Variants in EYA4 observed in about 807,000 individuals in gnomAD.
EYA4 encodes protein phosphatase EYA4.
EYA4 carries 31 observed loss-of-function variants against 87.9 expected under a neutral mutation model. The observed-to-expected ratio is 0.35, with a 90% confidence interval of 0.27 to 0.48. The LOEUF (loss-of-function observed/expected upper bound fraction) is 0.48. EYA4 is among the 20% of genes least tolerant of loss of function. The probability of loss-of-function intolerance (pLI) is 0.99; values close to 1 mark genes in which losing one functional copy is unlikely to be tolerated. For synonymous variants in EYA4, 263 were observed against 270.6 expected, an observed-to-expected ratio of 0.97 and a Z score of 0.28; for missense variants, 678 against 761.4, an observed-to-expected ratio of 0.89 and a Z score of 1.29.
chr6:133,425,764 T>C (rs2128571962), intron 3 of EYA4, among the ~76,000 whole-genome samples: 1 of 150,716 alleles, frequency 6.6e-6, no homozygotes, highest in East Asian at 2.0e-4. Context: ...GGCTTTCCCC[T>C]CTCTAATTCA....
At chr6:133,431,613 T>G (rs1791189482) in intron 3 of EYA4, among the ~76,000 whole-genome samples, 1 of 152,224 alleles carries the variant, frequency 6.6e-6, no homozygotes, top group African/African-American at 2.4e-5. Context: ...CAGTGCAATA[T>G]GAAGTGCACC....
rs1554213959 is a variant in EYA4 at position 133,273,098 on chromosome 6, T to TATATATATATATATATATATATAA, written c.-65-1599_-65-1598insTATAAATATATATATATATATATA. On this transcript the variant is annotated intron_variant, in intron 1 of 19. Coordinates refer to ENST00000355286, the MANE Select transcript of EYA4 (RefSeq NM_004100.5). Reference sequence around the variant, plus strand: ...AGAACTAATAGGAGATATATATATGTATATATATATATATATATAAAGGGA... The same window carrying TATATATATATATATATATATATAA: ...AGAACTAATAGGAGATATATATATGTATATATATATATATATATATATAAATATATATATATATATATAAAGGGA... Among the ~76,000 whole-genome samples, 98 of 83,090 alleles carry TATATATATATATATATATATATAA rather than the reference T, an allele frequency of 1.2e-3. 1 individual carries two copies. The highest frequency in any genetic ancestry group is 7.3e-3 in the East Asian group (28 of 3,846). The allele number at this position is 83,090 out of a possible 152,430, so 54.5% of individuals were successfully genotyped here.
At chr6:133,497,471 C>T (rs1184810230) in intron 13 of EYA4, among the ~76,000 whole-genome samples, 1 of 152,056 alleles carries the variant, frequency 6.6e-6, no homozygotes, top group Non-Finnish European at 1.5e-5. Context: ...TATTCCTGGA[C>T]ATTTCTGACG....
chr6:133,338,696 ACAT>A (rs1230852944), intron 2 of EYA4, among the ~76,000 whole-genome samples: 1 of 152,184 alleles, frequency 6.6e-6, no homozygotes, highest in East Asian at 1.9e-4. Context: ...TTCTAAGGAA[ACAT>A]CATGGCAGCC....
chr6:133,382,199 G>A (rs1413542743), intron 2 of EYA4, among the ~76,000 whole-genome samples, 193 bp from the exon 3 acceptor site: 1 of 152,096 alleles, frequency 6.6e-6, no homozygotes, highest in Non-Finnish European at 1.5e-5. Flanking sequence ...GGAGTCCAGG[G>A]AAGTGTATTT....
chr6:133,446,505 T>C (rs182342865), intron 3 of EYA4, 125 bp from the exon 4 acceptor site: 1 of 1,053,298 alleles, frequency 9.5e-7, no homozygotes, highest in African/African-American at 1.6e-5. Flanking sequence ...TCTGGTTGAC[T>C]AAGTCTTAGA....
intron 2 of EYA4, among the ~76,000 whole-genome samples, chr6:133,292,457 A>G (rs1481197180): frequency 6.6e-6 from 1 of 152,196 alleles, no homozygotes; most frequent in Non-Finnish European, 1.5e-5. Flanking sequence ...AAATAGCTTG[A>G]GCATTAAGGG....
chr6:133,394,354 A>G (rs1787607732), intron 3 of EYA4, among the ~76,000 whole-genome samples: 1 of 133,860 alleles, frequency 7.5e-6, no homozygotes, highest in Non-Finnish European at 1.5e-5. Flanking sequence ...TTAAAATTCT[A>G]GAAAAAGTTA....
chr6:133,248,022 A>G (rs1253955294), intron 1 of EYA4: 1 of 152,196 alleles, frequency 6.6e-6, no homozygotes, highest in East Asian at 1.9e-4. Flanking sequence ...CTATAACTTG[A>G]GTATCCGTAT....
intron 2 of EYA4, among the ~76,000 whole-genome samples, chr6:133,310,895 T>C (rs1780163082): frequency 6.6e-6 from 1 of 152,228 alleles, no homozygotes; most frequent in African/African-American, 2.4e-5. Context: ...TCCTTTGTAT[T>C]AGATTTCTAG....
chr6:133,521,859 G>T (rs74741951), intron 17 of EYA4, among the ~76,000 whole-genome samples: 3 of 136,476 alleles, frequency 2.2e-5, no homozygotes, highest in Admixed American at 7.5e-5. Context: ...GTAAACTATC[G>T]CAAGAACAAA....
rs748106021 is a variant in EYA4 at position 133,523,036 on chromosome 6, A to G, written c.1617-20A>G. ...ATTTAGTATTAGAAAACAAACATGTATATTTCCTCCCTATTTTAGGAGTAA... is the reference window on the plus strand; with the variant it reads ...ATTTAGTATTAGAAAACAAACATGTGTATTTCCTCCCTATTTTAGGAGTAA... On this transcript the variant is annotated intron_variant, in intron 17 of 19. Transcript: ENST00000355286. 8.1e-6 allele frequency: 13 copies of G among 1,597,810 alleles called. No homozygotes were observed. The highest frequency in any genetic ancestry group is 2.2e-5 in the East Asian group (1 of 44,762).
chr6:133,526,349 C>G (rs897958880), intron 19 of EYA4, among the ~76,000 whole-genome samples: 9 of 151,988 alleles, frequency 5.9e-5, no homozygotes, highest in African/African-American at 1.2e-4. Flanking sequence ...TCTAATAAAG[C>G]CTTTGCCATT....
intron 3 of EYA4, among the ~76,000 whole-genome samples, chr6:133,425,414 A>C (rs1790582280): frequency 6.7e-6 from 1 of 149,854 alleles, no homozygotes; most frequent in African/African-American, 2.5e-5. Context: ...AATAATATCC[A>C]TCTTCTACCC....
chr6:133,348,188 T>G (rs1201947700), intron 2 of EYA4, among the ~76,000 whole-genome samples: 1 of 151,982 alleles, frequency 6.6e-6, no homozygotes, highest in Non-Finnish European at 1.5e-5. Flanking sequence ...ACATAAATTT[T>G]GAAGCCTTCA....
chr6:133,530,440 A>G lies in EYA4; in HGVS notation c.*1635A>G, dbSNP rs1031486855. 6.2e-5 allele frequency: 61 copies of G among 985,478 alleles called. No homozygotes were observed. In the African/African-American group the frequency reaches 9.8e-4, roughly 16 times the overall value. 61.0% of individuals were successfully genotyped at this position (985,478 alleles called of 1,614,324 possible). The stretch of plus-strand genomic sequence containing the variant: ...GTGGAAATTTAAGACTTTAAGAACT[A>G]GAGTATTTTTATGGTGTCTGCACCT... On this transcript the variant is annotated 3_prime_UTR_variant, in exon 20 of 20. Transcript: ENST00000355286.
intron 2 of EYA4, among the ~76,000 whole-genome samples, chr6:133,365,931 C>T (rs1049802459): frequency 6.6e-6 from 1 of 152,048 alleles, no homozygotes; most frequent in Non-Finnish European, 1.5e-5. Flanking sequence ...GCCACAAATT[C>T]CAGAGCATCG....
Position 133,289,800 on chromosome 6 carries a change from C to T in EYA4, c.33+14987C>T, listed in dbSNP as rs140905814. 2.4e-4 allele frequency among the ~76,000 whole-genome samples: 37 copies of T among 152,282 alleles called. No individual in the cohort carries two copies. In the East Asian group the frequency reaches 6.9e-3, roughly 29 times the overall value. The stretch of plus-strand genomic sequence containing the variant: ...TTTCTTGGATTAGGGATTGATTTCT[C>T]TGCTCAGACTTCTTCAGAATACAAA... On this transcript the variant is annotated intron_variant, in intron 2 of 19. Coordinates refer to ENST00000355286, the MANE Select transcript of EYA4 (RefSeq NM_004100.5).
chr6:133,252,208 CTT>C (rs1774965132), intron 1 of EYA4, among the ~76,000 whole-genome samples: 1 of 152,054 alleles, frequency 6.6e-6, no homozygotes, highest in South Asian at 2.1e-4. Flanking sequence ...TAATAAGAAA[CTT>C]TTATTTTATT....
Sources: gnomAD v4.1 joint callset for allele counts (sites outside exome capture counted in the v4.1 genomes callset) on GRCh38, gnomAD v4.1.1 for gene constraint, MANE v1.5 for transcripts, NCBI Gene and HGNC (gene_info 2026-07-23, HGNC 2026-07-21) for gene names.